FBXW11: variants seen among roughly 807,000 people sequenced by gnomAD.
FBXW11 encodes the protein F-box and WD repeat domain containing 11.
A neutral mutation model predicts 77.6 loss-of-function variants in FBXW11; 19 were observed. The observed-to-expected ratio is 0.24, with a 90% CI of 0.17 to 0.36. The LOEUF is 0.36. FBXW11 is among the 10% of genes least tolerant of loss of function. The pLI is 1.00. For missense variants in FBXW11, 334 were observed against 704.2 expected, an observed-to-expected ratio of 0.47 and a Z score of 5.95; for synonymous variants, 235 against 249.4, an observed-to-expected ratio of 0.94 and a Z score of 0.54.
chr5:171,968,075 T>C (rs1248611568), intron 1 of FBXW11, among the ~76,000 whole-genome samples: 1 of 151,966 alleles, frequency 6.6e-6, no homozygotes, highest in African/African-American at 2.4e-5. Context: ...CACAGTTACT[T>C]AGGGATCTTA....
chr5:171,949,122 A>G (rs183082861), intron 2 of FBXW11, among the ~76,000 whole-genome samples: 1 of 152,372 alleles, frequency 6.6e-6, no homozygotes, highest in Non-Finnish European at 1.5e-5. Context: ...CCATATCATC[A>G]GTAAGACACT....
chr5:171,865,748 A>T (rs1483089880), intron 13 of FBXW11, among the ~76,000 whole-genome samples: 1 of 152,174 alleles, frequency 6.6e-6, no homozygotes. Context: ...GAGCTACTGA[A>T]TATATAATAC....
intron 1 of FBXW11, among the ~76,000 whole-genome samples, chr5:171,999,453 T>C (rs1431869181): frequency 2.0e-5 from 3 of 151,936 alleles, no homozygotes; most frequent in Non-Finnish European, 4.4e-5. Flanking sequence ...TAATTGTATA[T>C]ATATATTTCT....
chr5:171,880,765 C>T (rs1006568130), intron 7 of FBXW11, among the ~76,000 whole-genome samples: 5 of 152,130 alleles, frequency 3.3e-5, no homozygotes, highest in African/African-American at 1.2e-4. Context: ...GGCGCGATCT[C>T]GGCTCACTGC....
Position 171,912,579 on chromosome 5 carries a change from G to C in FBXW11, c.210+1764C>G, listed in dbSNP as rs145438689. On this transcript the variant is annotated intron_variant, in intron 3 of 13. Transcript: ENST00000517395. The stretch of plus-strand genomic sequence containing the variant: ...ACAAATTCTAACTCATCACCATTAA[G>C]AGCTATAATGTAAGCCACTAAAACT... Among the ~76,000 whole-genome samples, 189 of 152,208 alleles carry C rather than the reference G, an allele frequency of 1.2e-3. 1 individual carries two copies. The highest frequency in any genetic ancestry group is 2.4e-3 in the Non-Finnish European group (163 of 68,016).
intron 2 of FBXW11, among the ~76,000 whole-genome samples, chr5:171,953,141 T>G (rs1179680329): frequency 1.3e-5 from 2 of 152,156 alleles, no homozygotes. Context: ...ACCTAATTTT[T>G]TATTTTGTTT....
chr5:171,876,139 T>A lies in FBXW11; in HGVS notation c.1221+146A>T. The A allele has an allele frequency of 1.1e-6, 1 of 899,586 alleles. No individual in the cohort carries two copies. The allele number at this position is 899,586 out of a possible 1,614,324, so 55.7% of individuals were successfully genotyped here. A position where few individuals can be genotyped will look rare whatever the true frequency, so the allele number is the denominator to read the frequency against. ...TACCTTGCCTACAACTCTACAGATA[T>A]ACAGAGTGGGATGGCCTCAAGGGTT... On this transcript the variant is annotated intron_variant, in intron 9 of 13. Coordinates refer to ENST00000517395, the MANE Select transcript of FBXW11 (RefSeq NM_001378974.1). This position sits in a 1 kb window ranked among gnomAD's most constrained non-coding sequence, Gnocchi z 4.2.
intron 2 of FBXW11, among the ~76,000 whole-genome samples, chr5:171,952,834 T>C (rs1763416962): frequency 6.6e-6 from 1 of 151,970 alleles, no homozygotes; most frequent in Non-Finnish European, 1.5e-5. Context: ...TTCGTAAACT[T>C]TCTTAAAATA....
chr5:171,914,186 T>G (rs1302273964), intron 3 of FBXW11, among the ~76,000 whole-genome samples, 157 bp downstream of exon 3: 1 of 152,202 alleles, frequency 6.6e-6, no homozygotes, highest in Non-Finnish European at 1.5e-5. Context: ...CAATTCCCTA[T>G]GGAATGAAGA....
intron 9 of FBXW11, among the ~76,000 whole-genome samples, chr5:171,875,978 G>A (rs984435737): frequency 2.0e-5 from 3 of 152,180 alleles, no homozygotes; most frequent in African/African-American, 7.2e-5. Context: ...AGTGTTAACT[G>A]AGACCATAAT....
intron 2 of FBXW11, among the ~76,000 whole-genome samples, chr5:171,945,411 G>A (rs1762957571): frequency 6.6e-6 from 1 of 152,184 alleles, no homozygotes; most frequent in African/African-American, 2.4e-5. Context: ...TTTGAATCGT[G>A]GCTCCACTAC....
chr5:171,979,541 G>A (rs893843939), intron 1 of FBXW11, among the ~76,000 whole-genome samples: 12 of 151,686 alleles, frequency 7.9e-5, no homozygotes, highest in African/African-American at 2.7e-4. Context: ...TGTAAAAAAA[G>A]GTAAGTTCCT....
chr5:171,891,732 G>A lies in FBXW11; in HGVS notation c.715-128C>T. On this transcript the variant is annotated intron_variant, in intron 6 of 13. Coordinates refer to ENST00000517395, the MANE Select transcript of FBXW11 (RefSeq NM_001378974.1). The stretch of plus-strand genomic sequence containing the variant: ...CCAATCTTGGTTTGCATAACTGTCT[G>A]TGGATAGGATCATGCTCTTTTCCAA... The A allele has an allele frequency of 4.8e-6, 4 of 830,562 alleles. No homozygotes were observed. In the African/African-American group the frequency reaches 5.3e-5, roughly 11 times the overall value. 51.4% of individuals were successfully genotyped at this position (830,562 alleles called of 1,614,324 possible).
At chr5:171,914,876 G>T (rs929801781) in intron 2 of FBXW11, among the ~76,000 whole-genome samples, 1 of 152,192 alleles carries the variant, frequency 6.6e-6, no homozygotes, top group African/African-American at 2.4e-5. Context: ...TGATAGCCTT[G>T]TTTTTCTGGA....
intron 2 of FBXW11, among the ~76,000 whole-genome samples, chr5:171,927,534 C>T (rs1000285500): frequency 2.0e-5 from 3 of 152,104 alleles, no homozygotes; most frequent in African/African-American, 7.2e-5. Context: ...GAAAAATCAA[C>T]CAAAATACTG....
In FBXW11 at chr5:171,876,269, C is replaced by T. The variant is rs755161123; in HGVS notation, c.1221+16G>A. 6.1e-5 allele frequency: 98 copies of T among 1,613,734 alleles called. No homozygotes were observed. The highest frequency in any genetic ancestry group is 1.7e-6 in the Non-Finnish European group (2 of 1,179,856). On this transcript the variant is annotated intron_variant, in intron 9 of 13. Transcript: ENST00000517395. This position sits in a 1 kb window ranked among gnomAD's most constrained non-coding sequence, Gnocchi z 4.2. ...GGGACAGGAACAGGTAGGGTTATGA[C>T]TGCAGACATACTTACTTTGATGGTC...
chr5:171,973,828 A>T (rs1764665460), intron 1 of FBXW11, among the ~76,000 whole-genome samples: 1 of 152,210 alleles, frequency 6.6e-6, no homozygotes, highest in East Asian at 1.9e-4. Context: ...CTGTAAATCT[A>T]AAACTGTTCT....
intron 7 of FBXW11, among the ~76,000 whole-genome samples, chr5:171,882,999 A>G (rs1329563497): frequency 6.6e-6 from 1 of 150,514 alleles, no homozygotes; most frequent in Non-Finnish European, 1.5e-5. Context: ...TTGCGTCCTC[A>G]TAGCTTAGCT....
chr5:171,888,700 T>TC (rs1759084672), intron 7 of FBXW11, among the ~76,000 whole-genome samples: 1 of 152,158 alleles, frequency 6.6e-6, no homozygotes, highest in Non-Finnish European at 1.5e-5. Context: ...ATGAACAATC[T>TC]CAGGGGACTG....
Sources: gnomAD v4.1 joint callset for allele counts (sites outside exome capture counted in the v4.1 genomes callset) on GRCh38, gnomAD v4.1.1 for gene constraint, Gnocchi (gnomAD v3.1) non-coding constraint, MANE v1.5 for transcripts, NCBI Gene and HGNC (gene_info 2026-07-23, HGNC 2026-07-21) for gene names.